FBXL7: variants seen among roughly 807,000 people sequenced by gnomAD.
The protein encoded by FBXL7 is F-box/LRR-repeat protein 7.
In FBXL7, 12 loss-of-function variants were observed where a neutral mutation model predicts 38.3. The observed-to-expected ratio is 0.31, with a 90% CI of 0.20 to 0.51. FBXL7 has a LOEUF of 0.51. FBXL7 is among the 20% of genes least tolerant of loss of function. The probability of loss-of-function intolerance (pLI) is 0.98; values close to 1 mark genes in which losing one functional copy is unlikely to be tolerated. For synonymous variants in FBXL7, 297 were observed against 300.9 expected, an observed-to-expected ratio of 0.99 and a Z score of 0.13; for missense variants, 567 against 676.4, an observed-to-expected ratio of 0.84 and a Z score of 1.79.
At chr5:15,768,196 G>C (rs1314276606) in intron 2 of FBXL7, among the ~76,000 whole-genome samples, 1 of 152,158 alleles carries the variant, frequency 6.6e-6, no homozygotes. Flanking sequence ...TACAGGTAGA[G>C]TGAATTCTAA....
At chr5:15,762,242 A>G (rs79741319) in intron 2 of FBXL7, among the ~76,000 whole-genome samples, 51 of 152,356 alleles carry the variant, frequency 3.3e-4, no homozygotes, top group African/African-American at 1.2e-3. Context: ...GACCTCTCCA[A>G]CATGGCAGCT....
chr5:15,560,074 G>T (rs2126435772), intron 1 of FBXL7, among the ~76,000 whole-genome samples: 1 of 152,268 alleles, frequency 6.6e-6, no homozygotes, highest in African/African-American at 2.4e-5. Context: ...CTTGGACCTA[G>T]ACAATATCTT....
intron 2 of FBXL7, among the ~76,000 whole-genome samples, chr5:15,633,424 G>T (rs934902682): frequency 1.3e-5 from 2 of 151,862 alleles, no homozygotes; most frequent in Non-Finnish European, 2.9e-5. Context: ...ATTCAATACC[G>T]ACCTGTATAG....
chr5:15,584,813 A>G (rs1739254643), intron 1 of FBXL7, among the ~76,000 whole-genome samples: 2 of 152,222 alleles, frequency 1.3e-5, no homozygotes, highest in South Asian at 4.1e-4. Context: ...CAAAGGAAAG[A>G]GTTTCAATTG....
At chr5:15,842,194 G>A (rs1023831721) in intron 2 of FBXL7, among the ~76,000 whole-genome samples, 1 of 152,204 alleles carries the variant, frequency 6.6e-6, no homozygotes, top group Non-Finnish European at 1.5e-5. Flanking sequence ...ATCTGCCCAA[G>A]GTTGTGGCAG....
At position 15,891,431 on chromosome 5, in the gene FBXL7, T is replaced by C. The variant is rs141974115; in HGVS notation, c.128-36459T>C. Among the ~76,000 whole-genome samples the C allele has an allele frequency of 3.0e-3, 457 of 152,330 alleles. 3 individuals are homozygous for C. Among genetic ancestry groups the C allele is most frequent in the Middle Eastern group, 0.01 (3 of 294 alleles). ...AAATCCCCAATGTAATTTTCTACAT[T>C]TTAGAATCCATCCACTCAACAAACA... On this transcript the variant is annotated intron_variant, in intron 2 of 3. Coordinates refer to ENST00000504595, the MANE Select transcript of FBXL7 (RefSeq NM_012304.5).
chr5:15,856,965 G>A lies in FBXL7; in HGVS notation c.128-70925G>A, dbSNP rs770806876. 1.1e-3 allele frequency among the ~76,000 whole-genome samples: 160 copies of A among 152,130 alleles called. 1 individual carries two copies. Among genetic ancestry groups the A allele is most frequent in the Middle Eastern group, 3.2e-3 (1 of 316 alleles). ...TATTTATCTTTATGTATGTATGCAA[G>A]TATTTTTGTAAGATAAATTACCTAC... On this transcript the variant is annotated intron_variant, in intron 2 of 3. Transcript: ENST00000504595.
At chr5:15,694,247 C>T (rs1743266425) in intron 2 of FBXL7, among the ~76,000 whole-genome samples, 1 of 152,236 alleles carries the variant, frequency 6.6e-6, no homozygotes, top group South Asian at 2.1e-4. Flanking sequence ...GAAAACTCCT[C>T]CCATTTCACC....
At chr5:15,775,126 T>C (rs1040247572) in intron 2 of FBXL7, among the ~76,000 whole-genome samples, 3 of 152,296 alleles carry the variant, frequency 2.0e-5, no homozygotes, top group African/African-American at 4.8e-5. Flanking sequence ...CTAAGCAGCA[T>C]AGGAAATGTG....
At chr5:15,525,542 T>C (rs76037679) in intron 1 of FBXL7, among the ~76,000 whole-genome samples, 6 of 152,266 alleles carry the variant, frequency 3.9e-5, no homozygotes, top group Non-Finnish European at 8.8e-5. Context: ...AGTTGTACCT[T>C]AGCCAACTTA....
At chr5:15,624,275 G>A (rs368783450) in intron 2 of FBXL7, among the ~76,000 whole-genome samples, 19 of 152,208 alleles carry the variant, frequency 1.2e-4, no homozygotes, top group Non-Finnish European at 2.6e-4. Context: ...CTAATGGGCC[G>A]TGTTTGGGTC....
intron 2 of FBXL7, among the ~76,000 whole-genome samples, chr5:15,733,888 C>G (rs1735677275): frequency 6.6e-6 from 1 of 152,136 alleles, no homozygotes; most frequent in African/African-American, 2.4e-5. Flanking sequence ...GCAGGCGGTT[C>G]ACAAGGTCAG....
chr5:15,682,268 G>C (rs1390443402), intron 2 of FBXL7, among the ~76,000 whole-genome samples: 1 of 152,162 alleles, frequency 6.6e-6, no homozygotes, highest in African/African-American at 2.4e-5. Flanking sequence ...ATAATTGCCA[G>C]GTGTGAATGG....
chr5:15,813,348 G>A (rs894710941), intron 2 of FBXL7, among the ~76,000 whole-genome samples: 2 of 152,112 alleles, frequency 1.3e-5, no homozygotes, highest in Non-Finnish European at 2.9e-5. Flanking sequence ...TTTAATAAAC[G>A]ATATTGGGAA....
intron 2 of FBXL7, among the ~76,000 whole-genome samples, chr5:15,707,271 A>T (rs192309155): frequency 7.2e-6 from 1 of 139,262 alleles, no homozygotes; most frequent in Non-Finnish European, 1.5e-5. Context: ...AACAGCCCTG[A>T]GGGCTGCTGG....
At chr5:15,755,200 C>G (rs527560514) in intron 2 of FBXL7, among the ~76,000 whole-genome samples, 1 of 152,268 alleles carries the variant, frequency 6.6e-6, no homozygotes, top group African/African-American at 2.4e-5. Flanking sequence ...AAAGGCTCAG[C>G]TCAGGAGAAA....
intron 1 of FBXL7, among the ~76,000 whole-genome samples, chr5:15,582,391 C>G (rs994017787): frequency 2.6e-5 from 4 of 152,200 alleles, no homozygotes; most frequent in African/African-American, 7.2e-5. Flanking sequence ...TTGATCTTCT[C>G]TGTTCTTGTA....
At chr5:15,540,135 G>A (rs906980101) in intron 1 of FBXL7, among the ~76,000 whole-genome samples, 1 of 152,174 alleles carries the variant, frequency 6.6e-6, no homozygotes, top group African/African-American at 2.4e-5. Context: ...AAGCTCATGA[G>A]TCAGGGTTGT....
chr5:15,506,582 A>T (rs1303690266), intron 1 of FBXL7, among the ~76,000 whole-genome samples: 6 of 152,010 alleles, frequency 3.9e-5, no homozygotes, highest in Admixed American at 6.6e-5. Flanking sequence ...AACAACAGAA[A>T]TTTGTTTCTT....
Sources: allele counts gnomAD v4.1 joint callset (sites outside exome capture counted in the v4.1 genomes callset), GRCh38; gene constraint gnomAD v4.1.1; transcripts MANE v1.5; gene names NCBI Gene and HGNC (gene_info 2026-07-23, HGNC 2026-07-21).